DCAF6: variants seen among roughly 807,000 people sequenced by gnomAD.
DCAF6 encodes the protein DDB1 and CUL4 associated factor 6.
DCAF6 carries 54 observed loss-of-function variants against 125.1 expected under a neutral mutation model. The ratio of observed to expected loss-of-function variants is 0.43; its 90% CI spans 0.35 to 0.54. The LOEUF (loss-of-function observed/expected upper bound fraction) is 0.54. DCAF6 is among the 20% of genes least tolerant of loss of function. The pLI is 0.01. For missense variants in DCAF6, 934 were observed against 1,161.7 expected, an observed-to-expected ratio of 0.80 and a Z score of 2.85; for synonymous variants, 371 against 390.4, an observed-to-expected ratio of 0.95 and a Z score of 0.58.
intron 12 of DCAF6, 23 bp from the exon 13 acceptor site, chr1:168,038,348 A>G: frequency 1.3e-6 from 2 of 1,555,714 alleles, no homozygotes; most frequent in Non-Finnish European, 1.8e-6. Context: ...GACTTTTTCA[A>G]ATGTTTTAAA....
At chr1:167,921,611 G>C in the DCAF6 span, among the ~76,000 whole-genome samples, 1 of 151,912 alleles carries the variant, frequency 6.6e-6, no homozygotes, top group Admixed American at 6.6e-5. Context: ...GCACTCATGC[G>C]TTTTTGCTCC....
rs567657651 is a variant in DCAF6, at chr1:167,987,274, A to G, written c.439-221A>G. On this transcript the variant is annotated intron_variant, in intron 4 of 21. Transcript: ENST00000367840. ...TTTATCTGAAGTTAAGTTAATGCTAATCTTCAAAGTACTGAATCATATTAA... is the reference window on the plus strand; with the variant it reads ...TTTATCTGAAGTTAAGTTAATGCTAGTCTTCAAAGTACTGAATCATATTAA... Among the ~76,000 whole-genome samples, 4 of 152,308 alleles carry G rather than the reference A, an allele frequency of 2.6e-5. No homozygotes were observed. The East Asian group carries it at 7.7e-4, about 29-fold the overall frequency.
chr1:168,013,104 T>C (rs1158057961), intron 10 of DCAF6, among the ~76,000 whole-genome samples: 1 of 152,190 alleles, frequency 6.6e-6, no homozygotes, highest in Admixed American at 6.5e-5. Context: ...ATGCTTTATT[T>C]TATATTGCTA....
upstream of DCAF6, chr1:167,935,812 C>T (rs764810377): frequency 1.2e-5 from 18 of 1,555,504 alleles, no homozygotes; most frequent in Admixed American, 3.9e-5. Context: ...GGTAGGTGGC[C>T]CGCAGGCCTC....
chr1:167,880,176 A>G, the DCAF6 span: 772,927 of 1,610,082 alleles, frequency 0.48, 187,779 homozygotes, highest in African/African-American at 0.64. Flanking sequence ...CACTGGCAAC[A>G]CCGATGGATA....
At chr1:168,040,055 A>C (rs886917728) in intron 13 of DCAF6, among the ~76,000 whole-genome samples, 9 of 152,088 alleles carry the variant, frequency 5.9e-5, no homozygotes, top group Admixed American at 1.3e-4. Context: ...GTATGTTAGA[A>C]GGACAATGGA....
intron 15 of DCAF6, 55 bp from the exon 16 acceptor site, chr1:168,044,845 A>G: frequency 1.9e-6 from 3 of 1,562,996 alleles, no homozygotes; most frequent in Non-Finnish European, 1.7e-6. Context: ...GTTAGGTTAA[A>G]TAATTAGTAT....
In DCAF6 at chr1:168,072,294, TAAAAAAAAAAAA is replaced by T. The variant is rs59674650; in HGVS notation, c.2792-3057_2792-3046del. Among the ~76,000 whole-genome samples, 14 of 41,006 alleles carry T rather than the reference TAAAAAAAAAAAA, an allele frequency of 3.4e-4. 1 individual carries two copies. The highest frequency in any genetic ancestry group is 9.8e-4 in the African/African-American group (12 of 12,228). 26.9% of individuals were successfully genotyped at this position (41,006 alleles called of 152,430 possible). A position where few individuals can be genotyped will look rare whatever the true frequency, so the allele number is the denominator to read the frequency against. On this transcript the variant is annotated intron_variant, in intron 21 of 21. Coordinates refer to ENST00000367840, the MANE Select transcript of DCAF6 (RefSeq NM_001198956.2). ...CCTGGTGACAGAGGGAGAATCAGTC[TAAAAAAAAAAAA>T]AAAAAAAAAAAAAAAAAAAGAAAAG...
At chr1:167,951,100 C>T (rs373156543) in intron 1 of DCAF6, among the ~76,000 whole-genome samples, 46 of 152,204 alleles carry the variant, frequency 3.0e-4, no homozygotes, top group South Asian at 2.1e-3. Context: ...GCACTTACAC[C>T]GATTATTGTT....
At chr1:168,020,557 A>C (rs1173456591) in intron 11 of DCAF6, among the ~76,000 whole-genome samples, 1 of 152,158 alleles carries the variant, frequency 6.6e-6, no homozygotes, top group Non-Finnish European at 1.5e-5. Context: ...AAACACTTCA[A>C]ATAAGCTGAC....
chr1:167,962,060 C>G (rs561181379), intron 2 of DCAF6, among the ~76,000 whole-genome samples: 1 of 152,168 alleles, frequency 6.6e-6, no homozygotes, highest in South Asian at 2.1e-4. Flanking sequence ...AGAGTAGACA[C>G]TGTTTGATTT....
intron 16 of DCAF6, among the ~76,000 whole-genome samples, chr1:168,049,456 AGAG>A (rs1274948030): frequency 3.0e-5 from 4 of 135,388 alleles, no homozygotes; most frequent in Non-Finnish European, 6.3e-5. Context: ...TTTTTTTAGA[AGAG>A]ACAGTCTCAC....
At chr1:167,941,205 T>G (rs1286324343) in intron 1 of DCAF6, among the ~76,000 whole-genome samples, 1 of 152,186 alleles carries the variant, frequency 6.6e-6, no homozygotes, top group Non-Finnish European at 1.5e-5. Flanking sequence ...CTGAAAAATG[T>G]ATGATTTTAG....
intron 5 of DCAF6, among the ~76,000 whole-genome samples, chr1:167,990,212 T>TA (rs1491290772): frequency 2.0e-4 from 31 of 152,146 alleles, no homozygotes; most frequent in Admixed American, 7.9e-4. Flanking sequence ...AAATTTTTTT[T>TA]AAAAAATTAG....
At chr1:167,946,138 G>A (rs1411434102) in intron 1 of DCAF6, among the ~76,000 whole-genome samples, 1 of 151,890 alleles carries the variant, frequency 6.6e-6, no homozygotes, top group East Asian at 1.9e-4. Context: ...TGTAGTTTTA[G>A]TAGAGACAGG....
intron 11 of DCAF6, chr1:168,020,039 C>G (rs1685487907): frequency 6.6e-6 from 1 of 152,500 alleles, no homozygotes; most frequent in African/African-American, 2.4e-5. Context: ...GAAGTTTAAA[C>G]ATAATACGCT....
chr1:167,870,806 T>TAA, the DCAF6 span, among the ~76,000 whole-genome samples: 18 of 129,012 alleles, frequency 1.4e-4, no homozygotes, highest in African/African-American at 3.4e-4. Context: ...AAACTCCATC[T>TAA]AAAAAAAAAA....
intron 17 of DCAF6, among the ~76,000 whole-genome samples, chr1:168,061,530 A>T (rs1691594568): frequency 6.6e-6 from 1 of 152,154 alleles, no homozygotes; most frequent in African/African-American, 2.4e-5. Context: ...TTTATGGATC[A>T]TTCATACCCT....
Position 167,951,872 on chromosome 1 carries a change from G to C in DCAF6, c.159+11G>C, listed in dbSNP as rs1392421454. On this transcript the variant is annotated intron_variant, in intron 2 of 21. Transcript: ENST00000367840. ...GTGCATGATGGTTGTGTAAGTAATA[G>C]TTAATTCTCAACTCTGAAGGGATTT... 1.3e-6 allele frequency: 2 copies of C among 1,589,000 alleles called. No homozygotes were observed. The highest frequency in any genetic ancestry group is 1.7e-6 in the Non-Finnish European group (2 of 1,158,760).
Sources: gnomAD v4.1 joint callset for allele counts (sites outside exome capture counted in the v4.1 genomes callset) on GRCh38, gnomAD v4.1.1 for gene constraint, MANE v1.5 for transcripts, NCBI Gene and HGNC (gene_info 2026-07-23, HGNC 2026-07-21) for gene names.